The following KCNH1 variants were observed in gnomAD, a reference collection of about 807,000 sequenced individuals.
KCNH1 encodes the protein voltage-gated delayed rectifier potassium channel KCNH1.
A neutral mutation model predicts 69.2 loss-of-function variants in KCNH1; 27 were observed. The observed-to-expected ratio is 0.39, with a 90% CI of 0.29 to 0.54. The LOEUF is 0.54. Among genes scored for constraint, KCNH1 ranks in the 20% least tolerant of loss-of-function variants. KCNH1 has a pLI of 0.68. For synonymous variants in KCNH1, 456 were observed against 487.7 expected (o/e 0.93, Z 0.86); for missense variants, 798 against 1,261.6 (o/e 0.63, Z 5.57).
chr1:210,720,958 T>C (rs1304430860), intron 10 of KCNH1, among the ~76,000 whole-genome samples: 1 of 152,200 alleles, frequency 6.6e-6, no homozygotes, highest in Non-Finnish European at 1.5e-5. Context: ...CCTGTATCTC[T>C]TTCTTTTATA....
intron 5 of KCNH1, among the ~76,000 whole-genome samples, chr1:211,022,735 A>C: frequency 6.6e-6 from 1 of 152,214 alleles, no homozygotes; most frequent in East Asian, 1.9e-4. Context: ...GCTCATCATT[A>C]CTAATCATCA....
At chr1:211,015,956 C>T (rs1400384998) in intron 6 of KCNH1, among the ~76,000 whole-genome samples, 1 of 152,014 alleles carries the variant, frequency 6.6e-6, no homozygotes. Flanking sequence ...TAGCTGTAGC[C>T]CTTAATATTT....
intron 5 of KCNH1, among the ~76,000 whole-genome samples, chr1:211,060,120 G>T (rs1040623004): frequency 6.6e-6 from 1 of 151,900 alleles, no homozygotes; most frequent in African/African-American, 2.4e-5. Context: ...TTAAAAATAT[G>T]CTCCTAAATG....
intron 7 of KCNH1, 49 bp from the exon 8 acceptor site, chr1:210,804,215 CCTGAGCCAGGGTTCCAGAATG>C (rs1035223726): frequency 2.0e-6 from 3 of 1,506,622 alleles, no homozygotes; most frequent in Admixed American, 2.0e-5. Flanking sequence ...GTTAGTGGTC[CCTGAGCCAGGGTTCCAGAATG>C]CTCAGCTTGC....
intron 5 of KCNH1, among the ~76,000 whole-genome samples, chr1:211,047,415 G>A (rs972422371): frequency 1.3e-5 from 2 of 152,152 alleles, no homozygotes; most frequent in Admixed American, 6.5e-5. Context: ...GAATGGGCAG[G>A]CCATATCAGA....
intron 8 of KCNH1, among the ~76,000 whole-genome samples, chr1:210,800,699 C>T (rs1416978931): frequency 6.6e-6 from 1 of 152,156 alleles, no homozygotes; most frequent in East Asian, 1.9e-4. Flanking sequence ...TCTGAGATCC[C>T]ACAGCCGGCT....
chr1:210,998,208 C>A (rs955341629), intron 6 of KCNH1, among the ~76,000 whole-genome samples: 1 of 152,240 alleles, frequency 6.6e-6, no homozygotes, highest in African/African-American at 2.4e-5. Context: ...TTAAAAGACA[C>A]AGACTGGCAA....
chr1:210,699,647 G>T (rs950618993), intron 10 of KCNH1, among the ~76,000 whole-genome samples: 1 of 152,148 alleles, frequency 6.6e-6, no homozygotes, highest in African/African-American at 2.4e-5. Flanking sequence ...GTGCCTTCCT[G>T]TGCTCCACAC....
intron 6 of KCNH1, among the ~76,000 whole-genome samples, chr1:211,016,036 T>C (rs1211008605): frequency 6.6e-6 from 1 of 152,212 alleles, no homozygotes; most frequent in Non-Finnish European, 1.5e-5. Context: ...ATGAGAAAGC[T>C]ACAGATAACT....
chr1:210,863,558 C>T (rs1316800928), intron 7 of KCNH1, among the ~76,000 whole-genome samples: 2 of 152,156 alleles, frequency 1.3e-5, no homozygotes, highest in East Asian at 1.9e-4. Flanking sequence ...ATAGTAAATG[C>T]CATTTCCAGT....
intron 10 of KCNH1, among the ~76,000 whole-genome samples, chr1:210,715,517 C>CA (rs71821345): frequency 0.22 from 27,889 of 129,524 alleles, 2,924 homozygotes; most frequent in Non-Finnish European, 0.28. Flanking sequence ...AAAAATTAAA[C>CA]AAAAAAAAAA....
At chr1:210,706,203 C>T (rs1043370511) in intron 10 of KCNH1, among the ~76,000 whole-genome samples, 1 of 152,170 alleles carries the variant, frequency 6.6e-6, no homozygotes, top group African/African-American at 2.4e-5. Flanking sequence ...GGAAGTTCCC[C>T]TTCCAGATTC....
At chr1:210,985,090 T>C (rs934463416) in intron 6 of KCNH1, among the ~76,000 whole-genome samples, 2 of 152,236 alleles carry the variant, frequency 1.3e-5, no homozygotes, top group Non-Finnish European at 2.9e-5. Context: ...TCTAGTATTC[T>C]CTGATGGTAG....
chr1:211,093,825 C>T (rs183403321), intron 3 of KCNH1, among the ~76,000 whole-genome samples: 14 of 152,174 alleles, frequency 9.2e-5, no homozygotes, highest in Non-Finnish European at 1.8e-4. Flanking sequence ...ATCTGGGAGA[C>T]GAGAGCTGGA....
chr1:210,699,262 C>T (rs1248655955), intron 10 of KCNH1, among the ~76,000 whole-genome samples: 4 of 152,198 alleles, frequency 2.6e-5, no homozygotes, highest in Non-Finnish European at 5.9e-5. Context: ...GTTTTGCCTT[C>T]CTTTTACTGA....
intron 10 of KCNH1, among the ~76,000 whole-genome samples, chr1:210,754,827 T>C (rs1403352590): frequency 6.9e-6 from 1 of 145,522 alleles, no homozygotes; most frequent in Non-Finnish European, 1.5e-5. Context: ...GAGGGCCTGA[T>C]ACACAAGTAC....
At chr1:210,835,663 C>A (rs1398379671) in intron 7 of KCNH1, among the ~76,000 whole-genome samples, 1 of 152,060 alleles carries the variant, frequency 6.6e-6, no homozygotes, top group Non-Finnish European at 1.5e-5. Context: ...TATAGTTAGA[C>A]ACTTCAGAGA....
At chr1:210,907,153 G>T (rs1213414129) in intron 7 of KCNH1, among the ~76,000 whole-genome samples, 2 of 152,144 alleles carry the variant, frequency 1.3e-5, no homozygotes, top group Non-Finnish European at 2.9e-5. Context: ...CAAAAAGGCT[G>T]AAACTTACTT....
chr1:210,723,249 A>G (rs911623918), intron 10 of KCNH1, among the ~76,000 whole-genome samples: 8 of 152,192 alleles, frequency 5.3e-5, no homozygotes, highest in Non-Finnish European at 1.2e-4. Context: ...ATTTAAAAAT[A>G]TGTTATATAG....
Sources: allele counts gnomAD v4.1 joint callset (sites outside exome capture counted in the v4.1 genomes callset), GRCh38; gene constraint gnomAD v4.1.1; transcripts MANE v1.5; gene names NCBI Gene and HGNC (gene_info 2026-07-23, HGNC 2026-07-21).